The following ABTB3 variants were observed in gnomAD, a reference collection of about 807,000 sequenced individuals.
The protein encoded by ABTB3 is ankyrin repeat and BTB domain containing 3.
chr12:107,545,830 G>C, the ABTB3 span, among the ~76,000 whole-genome samples: 2 of 152,178 alleles, frequency 1.3e-5, no homozygotes, highest in Admixed American at 1.3e-4. Flanking sequence ...AGCCTATGGA[G>C]TGTCTAGCTC....
At chr12:107,319,285 G>C in the ABTB3 span, 3 of 1,544,844 alleles carry the variant, frequency 1.9e-6, no homozygotes, top group Non-Finnish European at 2.6e-6. Context: ...GGGATCCCCG[G>C]GCAGGCCCGG....
At chr12:107,642,444 G>A in the ABTB3 span, among the ~76,000 whole-genome samples, 1,735 of 152,282 alleles carry the variant, frequency 0.011, 38 homozygotes, top group African/African-American at 0.04. Context: ...GAGTCTGTGG[G>A]GGGCGGGGAC....
At chr12:107,564,007 G>A in the ABTB3 span, among the ~76,000 whole-genome samples, 9 of 152,096 alleles carry the variant, frequency 5.9e-5, no homozygotes, top group African/African-American at 1.4e-4. Context: ...ATTGAAGAGA[G>A]AAACTGGAAT....
At chr12:107,600,244 C>A in the ABTB3 span, among the ~76,000 whole-genome samples, 2 of 152,182 alleles carry the variant, frequency 1.3e-5, no homozygotes, top group African/African-American at 4.8e-5. Context: ...AGCTGTGCGA[C>A]CTTGAGCAAC....
the ABTB3 span, among the ~76,000 whole-genome samples, chr12:107,652,226 G>T: frequency 0.03 from 4,594 of 152,312 alleles, 274 homozygotes; most frequent in African/African-American, 0.1. Flanking sequence ...TTTTCAGGCT[G>T]TACCCCAGAC....
chr12:107,518,775 G>A, the ABTB3 span, among the ~76,000 whole-genome samples: 1 of 152,110 alleles, frequency 6.6e-6, no homozygotes, highest in African/African-American at 2.4e-5. Context: ...TAAATAAAAT[G>A]TCGAGCAGGG....
At chr12:107,356,450 C>G in the ABTB3 span, among the ~76,000 whole-genome samples, 1 of 152,180 alleles carries the variant, frequency 6.6e-6, no homozygotes, top group Admixed American at 6.5e-5. Flanking sequence ...GAGCAGAGTA[C>G]TTAGGAGCTA....
At chr12:107,319,098 C>A in the ABTB3 span, 1 of 1,609,378 alleles carries the variant, frequency 6.2e-7, no homozygotes, top group Non-Finnish European at 8.5e-7. Flanking sequence ...AGCTGCTGGC[C>A]GCCTCTAGCT....
At chr12:107,558,670 C>T in the ABTB3 span, among the ~76,000 whole-genome samples, 14 of 152,176 alleles carry the variant, frequency 9.2e-5, no homozygotes, top group African/African-American at 2.9e-4. Context: ...CAGGAGAAGG[C>T]CTCCTCTGTT....
the ABTB3 span, among the ~76,000 whole-genome samples, chr12:107,564,177 G>T: frequency 1.3e-5 from 2 of 150,430 alleles, no homozygotes; most frequent in Non-Finnish European, 3.0e-5. Flanking sequence ...GACTCTTAGG[G>T]TTGGGAGGGG....
chr12:107,346,512 T>A, the ABTB3 span, among the ~76,000 whole-genome samples: 1 of 151,948 alleles, frequency 6.6e-6, no homozygotes, highest in Non-Finnish European at 1.5e-5. Context: ...GAGGCTGGAG[T>A]GCAGTGGTGT....
the ABTB3 span, among the ~76,000 whole-genome samples, chr12:107,413,273 C>CA: frequency 3.3e-5 from 5 of 151,198 alleles, no homozygotes; most frequent in Non-Finnish European, 5.9e-5. Context: ...GACTCCGTCT[C>CA]AAAAAATAAA....
At chr12:107,390,601 CA>C in the ABTB3 span, among the ~76,000 whole-genome samples, 5 of 152,138 alleles carry the variant, frequency 3.3e-5, no homozygotes, top group African/African-American at 9.7e-5. Context: ...AACTTGACTG[CA>C]GGGATAAGAC....
chr12:107,637,751 T>G, the ABTB3 span, among the ~76,000 whole-genome samples: 1 of 148,334 alleles, frequency 6.7e-6, no homozygotes, highest in East Asian at 2.0e-4. Flanking sequence ...CAATAGGGAG[T>G]GGTGGGGACT....
At chr12:107,580,666 A>T in the ABTB3 span, 1 of 531,266 alleles carries the variant, frequency 1.9e-6, no homozygotes, top group Middle Eastern at 5.5e-4. Flanking sequence ...CTCCAGAAAG[A>T]CGACAGGGAC....
At chr12:107,540,785 A>G in the ABTB3 span, among the ~76,000 whole-genome samples, 2 of 152,034 alleles carry the variant, frequency 1.3e-5, no homozygotes, top group Non-Finnish European at 2.9e-5. Context: ...GAAGTTCGAG[A>G]CCAGGCTGGG....
chr12:107,353,934 C>T, the ABTB3 span, among the ~76,000 whole-genome samples: 1 of 152,156 alleles, frequency 6.6e-6, no homozygotes, highest in Admixed American at 6.5e-5. Context: ...CAAAACCGGT[C>T]CCTGGTGCCA....
At chr12:107,522,270 ACATT>A in the ABTB3 span, among the ~76,000 whole-genome samples, 3 of 152,148 alleles carry the variant, frequency 2.0e-5, no homozygotes, top group African/African-American at 7.2e-5. Context: ...GGGGTGACAG[ACATT>A]CAGACTATGG....
At chr12:107,469,998 TTCTTTCTTTCTTTCTC>T in the ABTB3 span, among the ~76,000 whole-genome samples, 18 of 61,286 alleles carry the variant, frequency 2.9e-4, no homozygotes, top group African/African-American at 8.2e-4. Flanking sequence ...CTTTCTTTCT[TTCTTTCTTTCTTTCTC>T]TCTCTCTCTC....
Sources: allele counts gnomAD v4.1 joint callset (sites outside exome capture counted in the v4.1 genomes callset), GRCh38; gene constraint gnomAD v4.1.1; transcripts MANE v1.5; gene names NCBI Gene and HGNC (gene_info 2026-07-23, HGNC 2026-07-21).